Variants in PEMT observed in about 807,000 individuals in gnomAD.
PEMT encodes the protein phospholipid methyltransferase.
PEMT carries 23 observed loss-of-function variants against 27.4 expected under a neutral mutation model. That is an observed-to-expected ratio of 0.84 (90% confidence interval 0.60 to 1.19). The LOEUF (loss-of-function observed/expected upper bound fraction) is 1.19. PEMT is among the 50% of genes most tolerant of loss of function. The probability of loss-of-function intolerance (pLI) is 0.00; values close to 1 mark genes in which losing one functional copy is unlikely to be tolerated. For synonymous variants in PEMT, 137 were observed against 139.1 expected, an observed-to-expected ratio of 0.98 and a Z score of 0.11; for missense variants, 307 against 310.1, an observed-to-expected ratio of 0.99 and a Z score of 0.07.
At chr17:17,533,524 C>A (rs1017147040) in intron 2 of PEMT, among the ~76,000 whole-genome samples, 1 of 152,166 alleles carries the variant, frequency 6.6e-6, no homozygotes, top group African/African-American at 2.4e-5. Context: ...ATGATTCTAT[C>A]ATGAAAATAC....
chr17:17,521,653 C>T (rs1907269943), intron 3 of PEMT, among the ~76,000 whole-genome samples: 1 of 152,214 alleles, frequency 6.6e-6, no homozygotes, highest in South Asian at 2.1e-4. Flanking sequence ...CAACCTCCGC[C>T]TCCTGGGTTC....
rs1047309475 is a variant in PEMT, at chr17:17,512,298, C to T, written c.466+211G>A. Among the ~76,000 whole-genome samples, 19 of 152,220 alleles carry T rather than the reference C, an allele frequency of 1.2e-4. No homozygotes were observed. The highest frequency in any genetic ancestry group is 5.9e-4 in the Admixed American group (9 of 15,286). ...CTTCACTCCCCAGGAGGCAGCCGCT[C>T]AGCACGCTGGGGTAAGAGGAGCTGT... On this transcript the variant is annotated intron_variant, in intron 4 of 6. Coordinates refer to ENST00000255389, the MANE Select transcript of PEMT (RefSeq NM_148172.3). The surrounding 1 kb of genome is among the most constrained non-coding windows in gnomAD (Gnocchi z 6.3).
At chr17:17,515,440 C>A (rs940987436) in intron 3 of PEMT, among the ~76,000 whole-genome samples, 16 of 152,218 alleles carry the variant, frequency 1.1e-4, no homozygotes, top group African/African-American at 3.4e-4. Context: ...GCTCCTCCGC[C>A]TACGGCCCCA....
At position 17,522,310 on chromosome 17, in the gene PEMT, A is replaced by AT; in HGVS notation, c.289dup (p.Ile97AsnfsTer61). 2.5e-6 allele frequency: 4 copies of AT among 1,613,864 alleles called. No homozygotes were observed. Among genetic ancestry groups the AT allele is most frequent in the Non-Finnish European group, 3.4e-6 (4 of 1,179,770 alleles). On this transcript the variant is annotated frameshift_variant, in exon 3 of 7. Coordinates refer to ENST00000255389, the MANE Select transcript of PEMT (RefSeq NM_148172.3). LOFTEE classifies it high-confidence loss of function. ...CGAGCGCAGGAAGTTCAGGAGCAGGATGGTGACGCTTAGAGAGTAGCAGGC... is the reference window on the plus strand; with the variant it reads ...CGAGCGCAGGAAGTTCAGGAGCAGGATTGGTGACGCTTAGAGAGTAGCAGGC...
intron 2 of PEMT, among the ~76,000 whole-genome samples, chr17:17,563,228 C>A (rs911074625): frequency 1.3e-5 from 2 of 151,922 alleles, no homozygotes; most frequent in Non-Finnish European, 1.5e-5. Flanking sequence ...ACCAGCTGCT[C>A]CTTAACAGCA....
At chr17:17,530,335 A>C (rs539441947) in intron 2 of PEMT, among the ~76,000 whole-genome samples, 29 of 152,324 alleles carry the variant, frequency 1.9e-4, no homozygotes, top group African/African-American at 6.7e-4. Context: ...GTCTCTACGA[A>C]AATACAAAAA....
intron 2 of PEMT, among the ~76,000 whole-genome samples, chr17:17,562,458 A>G (rs1910555109): frequency 6.6e-6 from 1 of 152,116 alleles, no homozygotes; most frequent in Non-Finnish European, 1.5e-5. Flanking sequence ...CCCTCAAGAC[A>G]GCTGCACTCC....
chr17:17,540,438 A>G lies in PEMT; in HGVS notation c.205-18043T>C, dbSNP rs188639206. Among the ~76,000 whole-genome samples the G allele has an allele frequency of 4.2e-3, 633 of 152,274 alleles. 3 individuals are homozygous for G. The highest frequency in any genetic ancestry group is 0.011 in the South Asian group (53 of 4,828). ...GCCAGCCAGCATGAGTTCTGGCATTATGTCCCAGGGGGTCAGGGGAACTGA... is the reference window on the plus strand; with the variant it reads ...GCCAGCCAGCATGAGTTCTGGCATTGTGTCCCAGGGGGTCAGGGGAACTGA... On this transcript the variant is annotated intron_variant, in intron 2 of 6. Coordinates refer to ENST00000255389, the MANE Select transcript of PEMT (RefSeq NM_148172.3).
chr17:17,576,448 G>T (rs1273277015), intron 2 of PEMT, among the ~76,000 whole-genome samples: 2 of 152,186 alleles, frequency 1.3e-5, no homozygotes, highest in Non-Finnish European at 2.9e-5. Flanking sequence ...AGGCCGTTTT[G>T]CAGGAAGCCT....
chr17:17,527,894 C>G (rs8078513), intron 2 of PEMT, among the ~76,000 whole-genome samples: 1 of 152,302 alleles, frequency 6.6e-6, no homozygotes, highest in Non-Finnish European at 1.5e-5. Context: ...TCCTCTCTCA[C>G]CTTGTCCTTC....
At chr17:17,533,402 A>T (rs1908242867) in intron 2 of PEMT, among the ~76,000 whole-genome samples, 2 of 152,248 alleles carry the variant, frequency 1.3e-5, no homozygotes, top group African/African-American at 4.8e-5. Flanking sequence ...CATAGGTATA[A>T]ATCTTCATGA....
chr17:17,520,200 C>T (rs1907162310), intron 3 of PEMT, among the ~76,000 whole-genome samples: 1 of 152,134 alleles, frequency 6.6e-6, no homozygotes, highest in African/African-American at 2.4e-5. Context: ...GGGCACAGAC[C>T]CCTGACTGTC....
Position 17,549,178 on chromosome 17 carries a change from A to C in PEMT, c.205-26783T>G, listed in dbSNP as rs114853387. On this transcript the variant is annotated intron_variant, in intron 2 of 6. Coordinates refer to ENST00000255389, the MANE Select transcript of PEMT (RefSeq NM_148172.3). Reference sequence around the variant, plus strand: ...ATGTGCCACCATGCCCTTTTTAACAAAATTTTTATTTATTTATTTGTTTAT... The same window carrying C: ...ATGTGCCACCATGCCCTTTTTAACACAATTTTTATTTATTTATTTGTTTAT... Among the ~76,000 whole-genome samples the C allele has an allele frequency of 5.8e-3, 879 of 151,980 alleles. 12 individuals carry two copies. The highest frequency in any genetic ancestry group is 0.02 in the African/African-American group (838 of 41,450).
intron 5 of PEMT, chr17:17,506,863 C>T (rs1383363948): frequency 2.4e-6 from 1 of 419,932 alleles, no homozygotes; most frequent in Non-Finnish European, 4.3e-6. Flanking sequence ...GAGCTGCCGC[C>T]CCGCCCAGCC....
At chr17:17,528,512 C>A (rs1045411193) in intron 2 of PEMT, among the ~76,000 whole-genome samples, 2 of 152,244 alleles carry the variant, frequency 1.3e-5, no homozygotes, top group Admixed American at 1.3e-4. Flanking sequence ...TTTCCCTCGC[C>A]TTGCAGGGAG....
intron 5 of PEMT, chr17:17,506,981 A>G (rs1156336642): frequency 1.6e-6 from 1 of 627,206 alleles, no homozygotes; most frequent in Non-Finnish European, 2.8e-6. Context: ...CAGGCAGAGC[A>G]TACAGCAGGC....
rs1158817375 is a variant in PEMT at position 17,520,508 on chromosome 17, CAG to C, written c.320+1770_320+1771del. Among the ~76,000 whole-genome samples the C allele has an allele frequency of 3.9e-5, 6 of 152,372 alleles. No individual in the cohort carries two copies. In the East Asian group the frequency reaches 5.8e-4, roughly 15 times the overall value. On this transcript the variant is annotated intron_variant, in intron 3 of 6. Coordinates refer to ENST00000255389, the MANE Select transcript of PEMT (RefSeq NM_148172.3). Reference sequence around the variant, plus strand: ...GCCTCACTTCCTCCATCTGCACAGTCAGAGTCTTCTCTACCCAGAGACTATAA... The same window carrying C: ...GCCTCACTTCCTCCATCTGCACAGTCAGTCTTCTCTACCCAGAGACTATAA...
chr17:17,549,982 G>A (rs1909532477), intron 2 of PEMT, among the ~76,000 whole-genome samples: 1 of 152,242 alleles, frequency 6.6e-6, no homozygotes, highest in Non-Finnish European at 1.5e-5. Context: ...CAACAGCAGG[G>A]AGGAGCATGA....
chr17:17,556,750 T>G (rs548695803), intron 2 of PEMT, among the ~76,000 whole-genome samples: 1 of 152,270 alleles, frequency 6.6e-6, no homozygotes, highest in Non-Finnish European at 1.5e-5. Context: ...AGAGGCCACA[T>G]GAGCCACTCC....
Sources: allele counts gnomAD v4.1 joint callset (sites outside exome capture counted in the v4.1 genomes callset), GRCh38; gene constraint gnomAD v4.1.1; non-coding constraint Gnocchi (gnomAD v3.1); transcripts MANE v1.5; gene names NCBI Gene and HGNC (gene_info 2026-07-23, HGNC 2026-07-21).